SEPTIN3: variants seen among roughly 807,000 people sequenced by gnomAD.
SEPTIN3 encodes the protein neuronal-specific septin-3.
SEPTIN3 carries 15 observed loss-of-function variants against 45.1 expected under a neutral mutation model. That is an observed-to-expected ratio of 0.33 (90% CI 0.22 to 0.51). SEPTIN3 has a LOEUF of 0.51. Ranked by LOEUF, SEPTIN3 falls within the 20% of genes least tolerant of loss-of-function variation. The pLI is 0.97. For missense variants in SEPTIN3, 289 were observed against 457.2 expected (o/e 0.63, Z 3.35); for synonymous variants, 148 against 164.8 (o/e 0.90, Z 0.78).
intron 1 of SEPTIN3, among the ~76,000 whole-genome samples, chr22:41,971,221 C>T (rs1485344967): frequency 6.6e-6 from 1 of 152,216 alleles, no homozygotes; most frequent in African/African-American, 2.4e-5. Flanking sequence ...GCTCACTGGA[C>T]GTGCCCACCC....
chr22:41,980,757 AG>A (rs2078108273), intron 2 of SEPTIN3, among the ~76,000 whole-genome samples: 1 of 152,092 alleles, frequency 6.6e-6, no homozygotes, highest in African/African-American at 2.4e-5. Context: ...CTCACTAGGG[AG>A]GGGCTGGTTC....
chr22:41,978,801 T>A (rs902063477), intron 2 of SEPTIN3, among the ~76,000 whole-genome samples: 3 of 151,504 alleles, frequency 2.0e-5, no homozygotes, highest in African/African-American at 7.3e-5. Flanking sequence ...ATGTGATGAG[T>A]ACCAGAAAAT....
chr22:41,996,609 A>G (rs2078442994), intron 11 of SEPTIN3: 2 of 1,154,412 alleles, frequency 1.7e-6, no homozygotes, highest in Non-Finnish European at 2.1e-6. Flanking sequence ...CCTTGCTCAC[A>G]AAGTTACAGG....
chr22:41,994,495 G>T lies in SEPTIN3; in HGVS notation c.2412-126G>T. The T allele has an allele frequency of 6.5e-7, 1 of 1,543,276 alleles. No homozygotes were observed. ...CTGTTGCAAAATGGAAGGTGCTGTA[G>T]AAGAATCCTTAGCTCCTGGGAGTGG... On this transcript the variant is annotated intron_variant, in intron 10 of 11. Transcript: ENST00000644076. This position sits in a 1 kb window ranked among gnomAD's most constrained non-coding sequence, Gnocchi z 4.2.
chr22:41,984,411 G>A (rs1177453969), intron 3 of SEPTIN3, among the ~76,000 whole-genome samples: 1 of 152,202 alleles, frequency 6.6e-6, no homozygotes, highest in Non-Finnish European at 1.5e-5. Context: ...TCATAGGTCT[G>A]GGGTGGGGCC....
rs1199892402 is a variant in SEPTIN3, at chr22:41,976,011, A to G, written c.1504+3015A>G. Reference sequence around the variant, plus strand: ...GTCTGGAATTTTCTCTGCTTCAGCGACACCAAGGACTCTGGGCTGTCCACC... The same window carrying G: ...GTCTGGAATTTTCTCTGCTTCAGCGGCACCAAGGACTCTGGGCTGTCCACC... On this transcript the variant is annotated intron_variant, in intron 2 of 11. Coordinates refer to ENST00000644076, the MANE Select transcript of SEPTIN3 (RefSeq NM_001363845.2). This position sits in a 1 kb window ranked among gnomAD's most constrained non-coding sequence, Gnocchi z 5.8. Among the ~76,000 whole-genome samples the G allele has an allele frequency of 6.6e-6, 1 of 152,146 alleles. No homozygotes were observed. The highest frequency in any genetic ancestry group is 2.4e-5 in the African/African-American group (1 of 41,414).
intron 8 of SEPTIN3, 99 bp downstream of exon 8, chr22:41,991,767 C>A (rs1052105535): frequency 5.8e-6 from 5 of 868,056 alleles, no homozygotes; most frequent in Non-Finnish European, 9.8e-6. Flanking sequence ...TTTCTGTACT[C>A]CCCCCAACCT....
intron 7 of SEPTIN3, among the ~76,000 whole-genome samples, chr22:41,990,799 C>T (rs1040221372): frequency 6.7e-6 from 1 of 149,076 alleles, no homozygotes; most frequent in African/African-American, 2.5e-5. Flanking sequence ...GGCGGTGGCT[C>T]ACGCCTGTAA....
intron 6 of SEPTIN3, 60 bp from the exon 7 acceptor site, chr22:41,989,507 T>C: frequency 9.4e-7 from 1 of 1,068,534 alleles, no homozygotes; most frequent in Non-Finnish European, 1.5e-6. Flanking sequence ...GGAGTGGTGG[T>C]GGTGGCTGAG....
In SEPTIN3 at chr22:41,989,126, C is replaced by CAA. The variant is rs71184854; in HGVS notation, c.2046-421_2046-420dup. Among the ~76,000 whole-genome samples the CAA allele has an allele frequency of 5.0e-3, 445 of 88,354 alleles. 5 individuals are homozygous for CAA. The highest frequency in any genetic ancestry group is 0.013 in the Middle Eastern group (2 of 160). The allele number at this position is 88,354 out of a possible 152,430, so 58.0% of individuals were successfully genotyped here. A position where few individuals can be genotyped will look rare whatever the true frequency, so the allele number is the denominator to read the frequency against. On this transcript the variant is annotated intron_variant, in intron 6 of 11. Transcript: ENST00000644076. ...TGGGTGACAAAGTGAGACCCTGTCT[C>CAA]AAAAAAAAAAAAAAAAAAAAAGACA...
At chr22:41,980,602 AC>A (rs1339316781) in intron 2 of SEPTIN3, among the ~76,000 whole-genome samples, 1 of 151,940 alleles carries the variant, frequency 6.6e-6, no homozygotes, top group Non-Finnish European at 1.5e-5. Context: ...TTCACCCCAT[AC>A]CCCAATTGTA....
At position 41,994,435 on chromosome 22, in the gene SEPTIN3, C is replaced by G. The variant is rs1320720046; in HGVS notation, c.2411+94C>G. 1.3e-6 allele frequency: 2 copies of G among 1,512,004 alleles called. No homozygotes were observed. Among genetic ancestry groups the G allele is most frequent in the South Asian group, 2.3e-5 (2 of 88,052 alleles). 93.7% of individuals were successfully genotyped at this position (1,512,004 alleles called of 1,614,324 possible). On this transcript the variant is annotated intron_variant, in intron 10 of 11. Transcript: ENST00000644076. The surrounding 1 kb of genome is among the most constrained non-coding windows in gnomAD (Gnocchi z 4.2). The stretch of plus-strand genomic sequence containing the variant: ...AGATTCACCTCCTGCATCTCCAGGT[C>G]TCTCTGACAGAGCTTTCTGCCCCAG...
intron 2 of SEPTIN3, among the ~76,000 whole-genome samples, chr22:41,978,800 G>A (rs1041012893): frequency 2.0e-5 from 3 of 152,012 alleles, no homozygotes; most frequent in African/African-American, 7.3e-5. Flanking sequence ...AATGTGATGA[G>A]TACCAGAAAA....
At position 41,986,368 on chromosome 22, in the gene SEPTIN3, G is replaced by A. The variant is rs141183763; in HGVS notation, c.1825+256G>A. On this transcript the variant is annotated intron_variant, in intron 4 of 11. Coordinates refer to ENST00000644076, the MANE Select transcript of SEPTIN3 (RefSeq NM_001363845.2). The stretch of plus-strand genomic sequence containing the variant: ...ATTTAGACAGGTAGAAAGAGGTAAG[G>A]AGTGGGCAGGTACGGTGGCTCATGC... Among the ~76,000 whole-genome samples, 72 of 152,258 alleles carry A rather than the reference G, an allele frequency of 4.7e-4. 1 individual carries two copies. The highest frequency in any genetic ancestry group is 1.6e-3 in the African/African-American group (68 of 41,550).
intron 2 of SEPTIN3, among the ~76,000 whole-genome samples, chr22:41,977,422 T>TA (rs2078047545): frequency 1.3e-5 from 2 of 151,822 alleles, no homozygotes; most frequent in African/African-American, 4.8e-5. Context: ...CACTGATACA[T>TA]ACGTCCCCTC....
At chr22:41,970,819 G>A (rs183092742) in intron 1 of SEPTIN3, among the ~76,000 whole-genome samples, 262 of 152,318 alleles carry the variant, frequency 1.7e-3, no homozygotes, top group Admixed American at 4.6e-3. Flanking sequence ...ACCATGGCTT[G>A]TTCACCAGAT....
Position 41,972,152 on chromosome 22 carries a change from G to C in SEPTIN3, c.660G>C (p.Val220=). Reference sequence around the variant, plus strand: ...TGGGCCAGGGGCACCTTGTCTCAGTGACTGACCACATGCCTACCAGAGCTT... The same window carrying C: ...TGGGCCAGGGGCACCTTGTCTCAGTCACTGACCACATGCCTACCAGAGCTT... ...GSLGQGHLVS[V]TDHMPTRASP... is the part of the protein sequence containing the mutation. The change falls in exon 2 of 12, where the codon GTG becomes GTC. Residue 220 remains valine (V), a synonymous_variant. Coordinates refer to ENST00000644076, the MANE Select transcript of SEPTIN3 (RefSeq NM_001363845.2). The C allele has an allele frequency of 2.5e-6, 1 of 399,140 alleles. No homozygotes were observed. The highest frequency in any genetic ancestry group is 6.3e-4 in the Middle Eastern group (1 of 1,590). 24.7% of individuals were successfully genotyped at this position (399,140 alleles called of 1,614,324 possible).
At chr22:41,996,780 T>TTG in intron 11 of SEPTIN3, 122 bp from the exon 12 acceptor site, 1 of 1,535,236 alleles carries the variant, frequency 6.5e-7, no homozygotes, top group Non-Finnish European at 8.8e-7. Flanking sequence ...TTGGAAAGGC[T>TTG]GAGTAGGAAT....
intron 8 of SEPTIN3, among the ~76,000 whole-genome samples, chr22:41,991,881 C>A (rs1423231179): frequency 6.6e-6 from 1 of 152,176 alleles, no homozygotes; most frequent in East Asian, 1.9e-4. Flanking sequence ...CTTCTATCCC[C>A]AGACCACATA....
Sources: gnomAD v4.1 joint callset for allele counts (sites outside exome capture counted in the v4.1 genomes callset) on GRCh38, gnomAD v4.1.1 for gene constraint, Gnocchi (gnomAD v3.1) non-coding constraint, MANE v1.5 for transcripts, NCBI Gene and HGNC (gene_info 2026-07-23, HGNC 2026-07-21) for gene names.